The following STXBP6 variants were observed in gnomAD, a reference collection of about 807,000 sequenced individuals.
The protein encoded by STXBP6 is syntaxin binding protein 6, also known as syntaxin-binding protein 6.
Under a neutral mutation model 26.9 loss-of-function variants are expected in STXBP6, and 21 were observed. The observed-to-expected ratio is 0.78, with a 90% confidence interval of 0.55 to 1.12. The LOEUF (loss-of-function observed/expected upper bound fraction) is 1.12, where lower values mean the gene tolerates loss of function less well. Ranked by LOEUF, STXBP6 falls within the 50% of genes most tolerant of loss-of-function variation. The pLI is 0.00. For synonymous variants in STXBP6, 97 were observed against 92.6 expected (o/e 1.05, Z -0.27); for missense variants, 232 against 257.9 (o/e 0.90, Z 0.69).
In STXBP6 at chr14:24,974,654, G is replaced by C; in HGVS notation, c.154+11C>G. 1.3e-6 allele frequency: 2 copies of C among 1,542,662 alleles called. No individual in the cohort carries two copies. Among genetic ancestry groups the C allele is most frequent in the Non-Finnish European group, 1.8e-6 (2 of 1,142,066 alleles). On this transcript the variant is annotated intron_variant, in intron 2 of 5. Coordinates refer to ENST00000323944, the MANE Select transcript of STXBP6 (RefSeq NM_001394410.1). ...GTTATTTTAATAATATTAATATCTG[G>C]TTCTCATTACCTGACAGGCAGATAT... is the stretch of plus-strand genomic sequence containing the variant.
intron 2 of STXBP6, among the ~76,000 whole-genome samples, chr14:24,922,392 T>C (rs1429210900): frequency 6.6e-6 from 1 of 152,164 alleles, no homozygotes; most frequent in Admixed American, 6.5e-5. Context: ...TTCTTAACAC[T>C]GTAGCTGCTC....
In STXBP6 at chr14:24,939,893, T is replaced by C. The variant is rs373997747; in HGVS notation, c.154+34772A>G. On this transcript the variant is annotated intron_variant, in intron 2 of 5. Transcript: ENST00000323944. ...TAATTACAAGTGCTTGATAGCCACA[T>C]AGAGCTAGTGGCTGCTGTACTGGAC... 3.3e-5 allele frequency among the ~76,000 whole-genome samples: 5 copies of C among 152,204 alleles called. No individual in the cohort carries two copies. In the East Asian group the frequency reaches 9.6e-4, roughly 29 times the overall value.
At chr14:24,814,721 T>A (rs527243179) in intron 5 of STXBP6, among the ~76,000 whole-genome samples, 1 of 152,334 alleles carries the variant, frequency 6.6e-6, no homozygotes, top group South Asian at 2.1e-4. Flanking sequence ...CCCAAGGTGA[T>A]ACTATTAGAA....
chr14:24,826,776 T>G (rs191850024), intron 4 of STXBP6, among the ~76,000 whole-genome samples: 15 of 152,344 alleles, frequency 9.8e-5, no homozygotes, highest in Admixed American at 9.1e-4. Flanking sequence ...CCCTTCCTGA[T>G]TAGAGATACA....
chr14:24,968,663 G>A (rs1429872837), intron 2 of STXBP6, among the ~76,000 whole-genome samples: 1 of 151,912 alleles, frequency 6.6e-6, no homozygotes, highest in Admixed American at 6.6e-5. Flanking sequence ...ACTTCCATGG[G>A]GGTTCAGATC....
intron 2 of STXBP6, among the ~76,000 whole-genome samples, chr14:24,924,462 T>A (rs2072091686): frequency 6.6e-6 from 1 of 152,138 alleles, no homozygotes; most frequent in African/African-American, 2.4e-5. Context: ...TGCAAATCAT[T>A]ATACAGACCT....
At chr14:24,872,868 A>G (rs1024733871) in intron 2 of STXBP6, among the ~76,000 whole-genome samples, 1 of 152,160 alleles carries the variant, frequency 6.6e-6, no homozygotes, top group African/African-American at 2.4e-5. Context: ...AATCCAGCTC[A>G]CACTTCTTGC....
chr14:24,888,213 A>G (rs146339534), intron 2 of STXBP6, among the ~76,000 whole-genome samples: 1 of 152,360 alleles, frequency 6.6e-6, no homozygotes, highest in Non-Finnish European at 1.5e-5. Flanking sequence ...GACAAATGAA[A>G]TGGAAGAGAA....
chr14:25,029,090 G>A (rs1170277732), intron 1 of STXBP6, among the ~76,000 whole-genome samples: 1 of 152,148 alleles, frequency 6.6e-6, no homozygotes, highest in Non-Finnish European at 1.5e-5. Flanking sequence ...GACAACAAAG[G>A]ACTTAGAATA....
At chr14:24,885,035 C>G (rs1344136758) in intron 2 of STXBP6, among the ~76,000 whole-genome samples, 1 of 152,094 alleles carries the variant, frequency 6.6e-6, no homozygotes. Context: ...TCTGTTCTGG[C>G]CTAGCCATGA....
rs1373955320 is a variant in STXBP6, at chr14:24,857,279, G to A, written c.155-122C>T. The A allele has an allele frequency of 1.1e-5, 14 of 1,255,198 alleles. No homozygotes were observed. In the Middle Eastern group the frequency reaches 1.8e-3, roughly 158 times the overall value. 77.8% of individuals were successfully genotyped at this position (1,255,198 alleles called of 1,614,324 possible). ...CACAATAACAGAGAGAAGGCAGAGG[G>A]GGAAAGGAGGGAATATGAATAAATA... On this transcript the variant is annotated intron_variant, in intron 2 of 5. Transcript: ENST00000323944.
chr14:24,858,481 A>G (rs116861736), intron 2 of STXBP6, among the ~76,000 whole-genome samples: 6 of 152,226 alleles, frequency 3.9e-5, no homozygotes, highest in African/African-American at 1.4e-4. Context: ...TTTATCACCC[A>G]TTATTTCAGT....
chr14:24,963,462 G>A (rs1016196242), intron 2 of STXBP6, among the ~76,000 whole-genome samples: 7 of 152,148 alleles, frequency 4.6e-5, no homozygotes, highest in East Asian at 1.9e-4. Context: ...CTACAACCTC[G>A]GCCACATTGG....
At chr14:24,934,765 G>T (rs2072538359) in intron 2 of STXBP6, among the ~76,000 whole-genome samples, 1 of 152,032 alleles carries the variant, frequency 6.6e-6, no homozygotes, top group African/African-American at 2.4e-5. Context: ...GGAAAAATAA[G>T]AAGTATAATA....
intron 2 of STXBP6, among the ~76,000 whole-genome samples, chr14:24,941,992 T>C (rs1377435023): frequency 1.3e-5 from 2 of 152,248 alleles, no homozygotes; most frequent in Non-Finnish European, 2.9e-5. Context: ...CTAGGTGATG[T>C]GTTTACTTCA....
intron 2 of STXBP6, among the ~76,000 whole-genome samples, chr14:24,940,162 T>A (rs553529473): frequency 9.1e-4 from 138 of 152,326 alleles, no homozygotes; most frequent in Non-Finnish European, 2.1e-4. Flanking sequence ...TTGGTACCTA[T>A]AGCAGAACAC....
At chr14:24,888,414 G>A (rs2070666281) in intron 2 of STXBP6, among the ~76,000 whole-genome samples, 1 of 152,114 alleles carries the variant, frequency 6.6e-6, no homozygotes, top group African/African-American at 2.4e-5. Flanking sequence ...GGAAGTAGGG[G>A]TGAGATAGAG....
chr14:24,870,513 G>A (rs2069889620), intron 2 of STXBP6, among the ~76,000 whole-genome samples: 1 of 152,100 alleles, frequency 6.6e-6, no homozygotes, highest in Non-Finnish European at 1.5e-5. Flanking sequence ...CACTCCAAAT[G>A]TTACCTTTGG....
intron 2 of STXBP6, among the ~76,000 whole-genome samples, chr14:24,907,801 T>A (rs75271411): frequency 6.6e-6 from 1 of 152,048 alleles, no homozygotes; most frequent in Non-Finnish European, 1.5e-5. Context: ...CTTTTTTTTT[T>A]AACCAAACCC....
Sources: allele counts gnomAD v4.1 joint callset (sites outside exome capture counted in the v4.1 genomes callset), GRCh38; gene constraint gnomAD v4.1.1; transcripts MANE v1.5; gene names NCBI Gene and HGNC (gene_info 2026-07-23, HGNC 2026-07-21).